The following RPS6KL1 variants were observed in gnomAD, a reference collection of about 807,000 sequenced individuals.
RPS6KL1 encodes the protein ribosomal protein S6 kinase-like 1.
In RPS6KL1, 41 loss-of-function variants were observed where a neutral mutation model predicts 57.0. That is an observed-to-expected ratio of 0.72 (90% confidence interval 0.56 to 0.93). The LOEUF is 0.93. Ranked by LOEUF, RPS6KL1 falls within the 40% of genes least tolerant of loss-of-function variation. RPS6KL1 has a pLI of 0.00. For synonymous variants in RPS6KL1, 287 were observed against 309.7 expected (o/e 0.93, Z 0.77); for missense variants, 697 against 727.7 (o/e 0.96, Z 0.49).
chr14:74,909,340 G>C lies in RPS6KL1; in HGVS notation c.1271-150C>G, dbSNP rs372277022. 8.2e-6 allele frequency: 8 copies of C among 980,778 alleles called. No homozygotes were observed. The African/African-American group carries it at 1.3e-4, about 16-fold the overall frequency. The allele number at this position is 980,778 out of a possible 1,614,324, so 60.8% of individuals were successfully genotyped here. A position where few individuals can be genotyped will look rare whatever the true frequency, so the allele number is the denominator to read the frequency against. ...GCAGGGGCACAGCACCCTCCACAGA[G>C]GCACAGCACTCTGAGGCCCACAGAG... is the stretch of plus-strand genomic sequence containing the variant. On this transcript the variant is annotated intron_variant, in intron 8 of 11. Transcript: ENST00000557413.
chr14:74,919,623 A>C (rs1887459522), intron 4 of RPS6KL1, among the ~76,000 whole-genome samples: 3 of 152,236 alleles, frequency 2.0e-5, no homozygotes, highest in Admixed American at 2.0e-4. Context: ...GAGATGACTC[A>C]GTGAGTTGTT....
intron 5 of RPS6KL1, among the ~76,000 whole-genome samples, chr14:74,916,683 G>GA (rs750980012): frequency 0.081 from 11,699 of 144,390 alleles, 549 homozygotes; most frequent in African/African-American, 0.13. Flanking sequence ...CCTGTGTCAA[G>GA]AAAAAAAAAA....
At chr14:74,908,959 CA>C (rs774774813) in intron 9 of RPS6KL1, 27 bp from the exon 10 acceptor site, 1 of 1,604,444 alleles carries the variant, frequency 6.2e-7, no homozygotes, top group Non-Finnish European at 8.5e-7. Context: ...ACAGGTGTCC[CA>C]GCCTCACCTA....
Position 74,908,697 on chromosome 14 carries a change from T to C in RPS6KL1, c.1443+153A>G, listed in dbSNP as rs544889190. Among the ~76,000 whole-genome samples the C allele has an allele frequency of 2.0e-5, 3 of 152,318 alleles. No individual in the cohort carries two copies. In the South Asian group the frequency reaches 6.2e-4, roughly 32 times the overall value. ...TCCTTAGCTATAGCCAACTAATGTGTTGGGAGTGCTAAGTGTGTCCCTGGC... is the reference window on the plus strand; with the variant it reads ...TCCTTAGCTATAGCCAACTAATGTGCTGGGAGTGCTAAGTGTGTCCCTGGC... On this transcript the variant is annotated intron_variant, in intron 10 of 11. Coordinates refer to ENST00000557413, the MANE Select transcript of RPS6KL1 (RefSeq NM_031464.5).
In RPS6KL1 at chr14:74,922,254, C is replaced by G. The variant is rs1307490403; in HGVS notation, c.-297G>C. 1 of 985,864 alleles carries G rather than the reference C, an allele frequency of 1.0e-6. No individual in the cohort carries two copies. The highest frequency in any genetic ancestry group is 1.7e-5 in the African/African-American group (1 of 57,250). 61.1% of individuals were successfully genotyped at this position (985,864 alleles called of 1,614,324 possible). A position where few individuals can be genotyped will look rare whatever the true frequency, so the allele number is the denominator to read the frequency against. On this transcript the variant is annotated 5_prime_UTR_variant, in exon 2 of 12. Coordinates refer to ENST00000557413, the MANE Select transcript of RPS6KL1 (RefSeq NM_031464.5). ...GCATTCAGCACATGGAGGCCACACA[C>G]GCTGGGCTCAAATGCTGTTCCTCAT...
Position 74,904,226 on chromosome 14 carries a change from A to G in RPS6KL1, c.*2788T>C, listed in dbSNP as rs949734166. 2 of 152,220 alleles carry G rather than the reference A, an allele frequency of 1.3e-5. No individual in the cohort carries two copies. Among genetic ancestry groups the G allele is most frequent in the Non-Finnish European group, 2.9e-5 (2 of 68,042 alleles). The allele number at this position is 152,220 out of a possible 1,614,324, so 9.4% of individuals were successfully genotyped here. On this transcript the variant is annotated 3_prime_UTR_variant, in exon 12 of 12. Transcript: ENST00000557413. ...TGATTGGCAATTGGTTGAAAGAGTT[A>G]TTATCTAAAGACCTGGAATCAATAG...
chr14:74,912,475 A>G (rs1007084310), intron 5 of RPS6KL1, among the ~76,000 whole-genome samples: 3 of 152,126 alleles, frequency 2.0e-5, no homozygotes, highest in Non-Finnish European at 4.4e-5. Flanking sequence ...CCAAGGCCTT[A>G]GCTAGAGCCC....
At chr14:74,920,515 C>G (rs1296786382) in intron 3 of RPS6KL1, among the ~76,000 whole-genome samples, 1 of 152,150 alleles carries the variant, frequency 6.6e-6, no homozygotes, top group African/African-American at 2.4e-5. Context: ...TCAAAATGGC[C>G]TCAGCACCAG....
chr14:74,918,092 TA>T (rs1257006744), intron 5 of RPS6KL1, among the ~76,000 whole-genome samples: 1 of 110,630 alleles, frequency 9.0e-6, no homozygotes, highest in Admixed American at 1.1e-4. Context: ...CTCTTCTTTT[TA>T]TATTTTATTT....
intron 5 of RPS6KL1, 122 bp from the exon 6 acceptor site, chr14:74,911,963 A>T: frequency 2.2e-4 from 142 of 646,384 alleles, no homozygotes; most frequent in Non-Finnish European, 2.9e-4. Context: ...CAGGGCAGGG[A>T]GGGCGGGCTT....
At chr14:74,913,777 C>T (rs757622262) in intron 5 of RPS6KL1, among the ~76,000 whole-genome samples, 21 of 152,176 alleles carry the variant, frequency 1.4e-4, no homozygotes, top group Non-Finnish European at 2.6e-4. Context: ...CTGCACCTGC[C>T]GCAGAACACA....
At chr14:74,911,608 T>A (rs1594921757) in intron 6 of RPS6KL1, 186 bp downstream of exon 6, 1 of 663,992 alleles carries the variant, frequency 1.5e-6, no homozygotes, top group East Asian at 2.7e-5. Context: ...TATGTGTATG[T>A]GTATGTGTAT....
At chr14:74,907,335 A>G (rs1298597089) in intron 11 of RPS6KL1, 100 bp downstream of exon 11, 2 of 1,495,044 alleles carry the variant, frequency 1.3e-6, no homozygotes, top group Admixed American at 2.1e-5. Flanking sequence ...CACATCAGAC[A>G]CTGAGCACGA....
chr14:74,910,502 T>C (rs77694748), intron 7 of RPS6KL1: 6,954 of 187,294 alleles, frequency 0.037, 179 homozygotes, highest in Non-Finnish European at 0.055. Context: ...CACACACTTA[T>C]GATGACTATA....
At chr14:74,920,056 C>A in intron 3 of RPS6KL1, 87 bp from the exon 4 acceptor site, 2 of 1,526,766 alleles carry the variant, frequency 1.3e-6, no homozygotes, top group South Asian at 1.1e-5. Context: ...TCTACCCTCC[C>A]AAGGAGTGAG....
chr14:74,911,273 G>T lies in RPS6KL1; in HGVS notation c.639C>A (p.Ile213=). The part of the protein sequence containing the change: ...LLRYFVSEDS[I]FLHLEHVQGG... ...CTTGCACATGCTCCAGGTGCAGGAAGATGGAGTCCTCGCTCACAAAGTACC... is the reference window on the plus strand; with the variant it reads ...CTTGCACATGCTCCAGGTGCAGGAATATGGAGTCCTCGCTCACAAAGTACC... The change falls in exon 7 of 12, where the codon ATC becomes ATA. Residue 213 remains isoleucine (I), a synonymous_variant. Transcript: ENST00000557413. 6.2e-7 allele frequency: 1 copy of T among 1,612,676 alleles called. No individual in the cohort carries two copies. The highest frequency in any genetic ancestry group is 8.5e-7 in the Non-Finnish European group (1 of 1,180,006).
At chr14:74,914,374 C>CA (rs1566825857) in intron 5 of RPS6KL1, among the ~76,000 whole-genome samples, 1 of 152,198 alleles carries the variant, frequency 6.6e-6, no homozygotes, top group African/African-American at 2.4e-5. Flanking sequence ...TGGTCCTGGG[C>CA]AAGGGCCTGT....
Position 74,922,071 on chromosome 14 carries a change from G to A in RPS6KL1, c.-114C>T, listed in dbSNP as rs1222555927. ...TGGGATTATAGACGTGAGCCACCGC[G>A]CAGGCCTGGGGCTCTGTTTTCCTTT... On this transcript the variant is annotated 5_prime_UTR_variant, in exon 2 of 12. Coordinates refer to ENST00000557413, the MANE Select transcript of RPS6KL1 (RefSeq NM_031464.5). 1 of 544,666 alleles carries A rather than the reference G, an allele frequency of 1.8e-6. No individual in the cohort carries two copies. The highest frequency in any genetic ancestry group is 2.4e-6 in the Non-Finnish European group (1 of 421,424). 33.7% of individuals were successfully genotyped at this position (544,666 alleles called of 1,614,324 possible).
intron 7 of RPS6KL1, 47 bp downstream of exon 7, chr14:74,911,201 T>C (rs1283795843): frequency 6.3e-7 from 1 of 1,586,902 alleles, no homozygotes; most frequent in Non-Finnish European, 8.6e-7. Flanking sequence ...GTTGACGACA[T>C]ACCCCAAAGG....
Sources: allele counts gnomAD v4.1 joint callset (sites outside exome capture counted in the v4.1 genomes callset), GRCh38; gene constraint gnomAD v4.1.1; transcripts MANE v1.5; gene names NCBI Gene and HGNC (gene_info 2026-07-23, HGNC 2026-07-21).